ADAMTSL1: variants seen among roughly 807,000 people sequenced by gnomAD.
The protein encoded by ADAMTSL1 is ADAMTS like 1.
ADAMTSL1 carries 126 observed loss-of-function variants against 201.8 expected under a neutral mutation model. That is an observed-to-expected ratio of 0.62 (90% CI 0.54 to 0.72). ADAMTSL1 has a LOEUF of 0.72. Among genes scored for constraint, ADAMTSL1 ranks in the 30% least tolerant of loss-of-function variants. The probability of loss-of-function intolerance (pLI) is 0.00; values close to 1 mark genes in which losing one functional copy is unlikely to be tolerated. For synonymous variants in ADAMTSL1, 1,121 were observed against 903.4 expected, an observed-to-expected ratio of 1.24 and a Z score of -4.32; for missense variants, 2,679 against 2,277.8, an observed-to-expected ratio of 1.18 and a Z score of -3.59.
At chr9:18,137,579 C>G (rs1024393596) in intron 1 of ADAMTSL1, among the ~76,000 whole-genome samples, 7 of 152,100 alleles carry the variant, frequency 4.6e-5, no homozygotes, top group Non-Finnish European at 2.9e-5. Context: ...TAAGAAAACA[C>G]TTTATGGCTC....
At chr9:18,210,832 G>A (rs1301841531) in intron 2 of ADAMTSL1, among the ~76,000 whole-genome samples, 1 of 151,592 alleles carries the variant, frequency 6.6e-6, no homozygotes, top group Non-Finnish European at 1.5e-5. Context: ...TAGTAATTGA[G>A]TGCCTGGCCA....
rs147900018 is a variant in ADAMTSL1 at position 17,970,062 on chromosome 9, A to T, written c.87+63140A>T. The stretch of plus-strand genomic sequence containing the variant: ...CACGTGGCTAATCTTCAAGTAGTAT[A>T]TTCAGATGCCTGCTCTATGTTTCTA... On this transcript the variant is annotated intron_variant, in intron 1 of 29. Transcript: ENST00000680146. 5.5e-3 allele frequency among the ~76,000 whole-genome samples: 833 copies of T among 152,158 alleles called. 8 individuals are homozygous for T. Among genetic ancestry groups the T allele is most frequent in the African/African-American group, 0.019 (791 of 41,542 alleles).
intron 2 of ADAMTSL1, among the ~76,000 whole-genome samples, chr9:18,240,367 T>A (rs975385491): frequency 6.6e-5 from 10 of 151,242 alleles, no homozygotes; most frequent in African/African-American, 2.2e-4. Context: ...AAGCAGCAAG[T>A]ATTAACAGTG....
At chr9:18,410,089 T>A (rs541371567) in intron 2 of ADAMTSL1, among the ~76,000 whole-genome samples, 1 of 152,148 alleles carries the variant, frequency 6.6e-6, no homozygotes, top group East Asian at 1.9e-4. Flanking sequence ...ATTAAACAAA[T>A]GTTTAATCCT....
chr9:18,883,006 A>T (rs1041968880), intron 23 of ADAMTSL1, among the ~76,000 whole-genome samples: 1 of 151,868 alleles, frequency 6.6e-6, no homozygotes, highest in Non-Finnish European at 1.5e-5. Flanking sequence ...AAAAAAAAAA[A>T]AAAAGAGGAT....
Position 18,177,654 on chromosome 9 carries a change from T to C in ADAMTSL1, c.207+13673T>C, listed in dbSNP as rs80272891. On this transcript the variant is annotated intron_variant, in intron 2 of 29. Coordinates refer to the ADAMTSL1 transcript ENST00000680146. ...ACCAGAGCTCCAGTCATTACACCTA[T>C]ATTCCAGCCAGTGAGAAAGAGGAAA... is the stretch of plus-strand genomic sequence containing the variant. Among the ~76,000 whole-genome samples the C allele has an allele frequency of 3.5e-3, 540 of 152,288 alleles. 1 individual carries two copies. The highest frequency in any genetic ancestry group is 0.01 in the Middle Eastern group (3 of 294).
chr9:18,854,330 C>G (rs1826708093), intron 23 of ADAMTSL1, among the ~76,000 whole-genome samples: 1 of 152,076 alleles, frequency 6.6e-6, no homozygotes, highest in Admixed American at 6.6e-5. Context: ...AAAAAAGCAG[C>G]TAATTTGATT....
chr9:18,151,954 C>T (rs1164097939), intron 1 of ADAMTSL1, among the ~76,000 whole-genome samples: 2 of 152,032 alleles, frequency 1.3e-5, no homozygotes, highest in African/African-American at 2.4e-5. Flanking sequence ...AATACTAATT[C>T]GTTTGAGTGG....
At chr9:18,465,390 A>T (rs1324468252) in intron 2 of ADAMTSL1, among the ~76,000 whole-genome samples, 1 of 152,230 alleles carries the variant, frequency 6.6e-6, no homozygotes, top group Non-Finnish European at 1.5e-5. Context: ...AAGCATTGTG[A>T]TATCCCAGAG....
intron 1 of ADAMTSL1, among the ~76,000 whole-genome samples, chr9:18,498,914 A>G (rs2131894628): frequency 6.6e-6 from 1 of 152,378 alleles, no homozygotes; most frequent in Admixed American, 6.5e-5. Flanking sequence ...AAGAAACCCC[A>G]GTTTTCCCTC....
At chr9:18,488,641 A>C (rs1047623794) in intron 1 of ADAMTSL1, among the ~76,000 whole-genome samples, 13 of 152,274 alleles carry the variant, frequency 8.5e-5, no homozygotes, top group African/African-American at 3.1e-4. Context: ...GTGAAGTTTA[A>C]TAAAACAAGT....
intron 2 of ADAMTSL1, among the ~76,000 whole-genome samples, chr9:18,263,478 C>T (rs2132543464): frequency 6.6e-6 from 1 of 152,280 alleles, no homozygotes; most frequent in South Asian, 2.1e-4. Context: ...AGCACTTCTC[C>T]CTCTACAGTC....
chr9:18,099,353 ATAT>A (rs1446586186), intron 1 of ADAMTSL1, among the ~76,000 whole-genome samples: 875 of 45,784 alleles, frequency 0.019, 6 homozygotes, highest in Middle Eastern at 0.036. Context: ...ATATATATAT[ATAT>A]TTTTTTTTTT....
intron 2 of ADAMTSL1, among the ~76,000 whole-genome samples, chr9:18,350,525 T>C (rs1328103142): frequency 1.3e-5 from 2 of 151,142 alleles, no homozygotes; most frequent in Non-Finnish European, 2.9e-5. Context: ...TTTTTTTTTC[T>C]GTGAAAACCC....
At chr9:18,474,702 C>T (rs1587316844) in intron 1 of ADAMTSL1, among the ~76,000 whole-genome samples, 1 of 152,068 alleles carries the variant, frequency 6.6e-6, no homozygotes, top group African/African-American at 2.4e-5. Context: ...AGAGCTTGCC[C>T]GTACCGCCTT....
upstream of ADAMTSL1, among the ~76,000 whole-genome samples, chr9:18,472,051 G>T (rs1821236093): frequency 6.6e-6 from 1 of 152,112 alleles, no homozygotes; most frequent in African/African-American, 2.4e-5. Context: ...TGCTTAATGA[G>T]CAGGGTTTAT....
At chr9:18,233,738 T>G (rs4961630) in intron 2 of ADAMTSL1, among the ~76,000 whole-genome samples, 151,355 of 152,322 alleles carry the variant, frequency 0.99, 75,205 homozygotes, top group Middle Eastern at 1. Context: ...GCTGTGGGCA[T>G]TGCCAGAAGC....
intron 20 of ADAMTSL1, among the ~76,000 whole-genome samples, chr9:18,816,496 C>G (rs963018346): frequency 6.6e-6 from 1 of 152,180 alleles, no homozygotes; most frequent in Admixed American, 6.5e-5. Flanking sequence ...CTCAGCCTCC[C>G]AAAGTGCTGG....
intron 15 of ADAMTSL1, chr9:18,723,064 G>A (rs781295128): frequency 2.6e-6 from 2 of 779,378 alleles, no homozygotes; most frequent in South Asian, 2.7e-5. Flanking sequence ...TCTTTGTTAG[G>A]CAACCAAGAG....
Sources: allele counts gnomAD v4.1 joint callset (sites outside exome capture counted in the v4.1 genomes callset), GRCh38; gene constraint gnomAD v4.1.1; transcripts MANE v1.5; gene names NCBI Gene and HGNC (gene_info 2026-07-23, HGNC 2026-07-21).